Variants in NRXN3 observed in about 807,000 individuals in gnomAD.
The protein encoded by NRXN3 is neurexin III.
In NRXN3, 32 loss-of-function variants were observed where a neutral mutation model predicts 137.6. That is an observed-to-expected ratio of 0.23 (90% confidence interval 0.18 to 0.31). NRXN3 has a LOEUF of 0.31. Among genes scored for constraint, NRXN3 ranks in the 10% least tolerant of loss-of-function variants. The pLI is 1.00. For synonymous variants in NRXN3, 798 were observed against 784.5 expected, an observed-to-expected ratio of 1.02 and a Z score of -0.29; for missense variants, 1,574 against 2,062.5, an observed-to-expected ratio of 0.76 and a Z score of 4.59.
At chr14:79,287,215 T>G (rs2082415916) in intron 15 of NRXN3, among the ~76,000 whole-genome samples, 1 of 152,206 alleles carries the variant, frequency 6.6e-6, no homozygotes, top group Admixed American at 6.5e-5. Context: ...CTTTACTGTA[T>G]TTTCATGTTT....
At chr14:79,626,181 T>C (rs1169783304) in intron 16 of NRXN3, among the ~76,000 whole-genome samples, 1 of 151,490 alleles carries the variant, frequency 6.6e-6, no homozygotes, top group Admixed American at 6.5e-5. Context: ...TGAATAATCA[T>C]CTCAAGTCTA....
chr14:78,647,461 T>C (rs1222471747), intron 5 of NRXN3, among the ~76,000 whole-genome samples: 1 of 152,210 alleles, frequency 6.6e-6, no homozygotes, highest in East Asian at 1.9e-4. Context: ...TATGAGCTCA[T>C]CCATGGTCTA....
At chr14:79,651,780 T>C (rs1047526055) in intron 16 of NRXN3, among the ~76,000 whole-genome samples, 3 of 152,150 alleles carry the variant, frequency 2.0e-5, no homozygotes, top group Non-Finnish European at 2.9e-5. Flanking sequence ...GTGTGCCTCA[T>C]TGAGCTTTGG....
In NRXN3 at chr14:78,242,778, T is replaced by C; in HGVS notation, c.-316T>C. Reference sequence around the variant, plus strand: ...GATCCACATGGATAGCTGAGATCTTTTCTTGGAGAAAGACGCTTTCCTCTT... The same window carrying C: ...GATCCACATGGATAGCTGAGATCTTCTCTTGGAGAAAGACGCTTTCCTCTT... On this transcript the variant is annotated 5_prime_UTR_variant, in exon 2 of 21. Coordinates refer to ENST00000335750, the MANE Select transcript of NRXN3 (RefSeq NM_001330195.2). 1 of 341,170 alleles carries C rather than the reference T, an allele frequency of 2.9e-6. No individual in the cohort carries two copies. The highest frequency in any genetic ancestry group is 8.2e-5 in the South Asian group (1 of 12,172). 21.1% of individuals were successfully genotyped at this position (341,170 alleles called of 1,614,324 possible).
At chr14:78,815,271 G>A (rs1304631298) in intron 10 of NRXN3, among the ~76,000 whole-genome samples, 1 of 152,120 alleles carries the variant, frequency 6.6e-6, no homozygotes, top group African/African-American at 2.4e-5. Flanking sequence ...TGCCACAATA[G>A]AGTTATTTGT....
chr14:79,387,455 A>G (rs2094670671), intron 15 of NRXN3, among the ~76,000 whole-genome samples: 1 of 151,916 alleles, frequency 6.6e-6, no homozygotes, highest in Non-Finnish European at 1.5e-5. Context: ...AGGAAACAAC[A>G]GATGCTAGAG....
At chr14:79,567,636 C>T (rs1191977945) in intron 16 of NRXN3, among the ~76,000 whole-genome samples, 1 of 152,056 alleles carries the variant, frequency 6.6e-6, no homozygotes, top group Non-Finnish European at 1.5e-5. Context: ...CTGATTCCTC[C>T]TTCTACGTTC....
At chr14:78,642,913 G>A (rs1213651363) in intron 4 of NRXN3, among the ~76,000 whole-genome samples, 1 of 152,186 alleles carries the variant, frequency 6.6e-6, no homozygotes, top group Non-Finnish European at 1.5e-5. Flanking sequence ...ACTTATACAT[G>A]TGCAAGCTAC....
intron 4 of NRXN3, among the ~76,000 whole-genome samples, chr14:78,451,175 A>C (rs2094543263): frequency 6.6e-6 from 1 of 152,172 alleles, no homozygotes; most frequent in Non-Finnish European, 1.5e-5. Flanking sequence ...GTGGAGTGGC[A>C]CAAAGAACAA....
intron 19 of NRXN3, among the ~76,000 whole-genome samples, chr14:79,772,471 C>T (rs373907451): frequency 3.4e-4 from 50 of 149,248 alleles, no homozygotes; most frequent in Admixed American, 6.0e-4. Flanking sequence ...GAAATAATGC[C>T]GCATATCTAC....
At chr14:78,338,624 G>C (rs1315024530) in intron 4 of NRXN3, among the ~76,000 whole-genome samples, 1 of 152,208 alleles carries the variant, frequency 6.6e-6, no homozygotes, top group African/African-American at 2.4e-5. Flanking sequence ...CCACTCAGAT[G>C]CTTGGGGACA....
chr14:79,743,900 A>G (rs569194167), intron 19 of NRXN3, among the ~76,000 whole-genome samples: 6 of 152,362 alleles, frequency 3.9e-5, no homozygotes, highest in African/African-American at 1.4e-4. Context: ...ATATGTAAGC[A>G]TATGTATAAT....
At chr14:79,628,390 G>A (rs573542654) in intron 16 of NRXN3, among the ~76,000 whole-genome samples, 1 of 152,136 alleles carries the variant, frequency 6.6e-6, no homozygotes, top group African/African-American at 2.4e-5. Context: ...CTTTATTCTA[G>A]TATGTCCATT....
intron 16 of NRXN3, among the ~76,000 whole-genome samples, chr14:79,592,458 T>G (rs1273847441): frequency 6.6e-6 from 1 of 152,198 alleles, no homozygotes; most frequent in East Asian, 1.9e-4. Flanking sequence ...TTTTTTAAAA[T>G]AATGAATTGG....
At chr14:78,969,348 A>G (rs371563890) in intron 14 of NRXN3, among the ~76,000 whole-genome samples, 1 of 152,212 alleles carries the variant, frequency 6.6e-6, no homozygotes, top group Non-Finnish European at 1.5e-5. Context: ...AGCCTTCCCT[A>G]GTAGTCTTGG....
chr14:78,649,194 GT>G, intron 5 of NRXN3: 1 of 1,082,888 alleles, frequency 9.2e-7, no homozygotes, highest in Non-Finnish European at 1.3e-6. Context: ...ACTCATCTTT[GT>G]TTTTAGTTTT....
At chr14:79,731,696 G>A (rs562107806) in intron 19 of NRXN3, among the ~76,000 whole-genome samples, 20 of 149,032 alleles carry the variant, frequency 1.3e-4, no homozygotes, top group African/African-American at 4.7e-4. Context: ...ATGTTAGCCA[G>A]CCTGGTCTTG....
At chr14:79,241,473 C>T (rs949588485) in intron 15 of NRXN3, among the ~76,000 whole-genome samples, 1 of 152,138 alleles carries the variant, frequency 6.6e-6, no homozygotes, top group Admixed American at 6.5e-5. Flanking sequence ...GGCAAGAGAA[C>T]TTGTGCAGGG....
At chr14:78,751,812 G>A (rs2098643847) in intron 8 of NRXN3, among the ~76,000 whole-genome samples, 2 of 152,166 alleles carry the variant, frequency 1.3e-5, no homozygotes, top group African/African-American at 4.8e-5. Context: ...GCACCTGGGA[G>A]CTTGTTAGAA....
Sources: gnomAD v4.1 joint callset for allele counts (sites outside exome capture counted in the v4.1 genomes callset) on GRCh38, gnomAD v4.1.1 for gene constraint, MANE v1.5 for transcripts, NCBI Gene and HGNC (gene_info 2026-07-23, HGNC 2026-07-21) for gene names.